LINGO2: variants seen among roughly 807,000 people sequenced by gnomAD.
The protein encoded by LINGO2 is leucine rich repeat and Ig domain containing 2.
LINGO2 carries 14 observed loss-of-function variants against 30.6 expected under a neutral mutation model. The ratio of observed to expected loss-of-function variants is 0.46; its 90% CI spans 0.30 to 0.72. The LOEUF is 0.72. Ranked by LOEUF, LINGO2 falls within the 30% of genes least tolerant of loss-of-function variation. The probability of loss-of-function intolerance (pLI) is 0.07; values close to 1 mark genes in which losing one functional copy is unlikely to be tolerated. For missense variants in LINGO2, 729 were observed against 751.7 expected (o/e 0.97, Z 0.35); for synonymous variants, 317 against 288.5 (o/e 1.10, Z -1.00).
chr9:28,126,016 CT>C (rs1418267680), intron 4 of LINGO2, among the ~76,000 whole-genome samples: 1 of 152,072 alleles, frequency 6.6e-6, no homozygotes, highest in African/African-American at 2.4e-5. Flanking sequence ...CTTAACAAGG[CT>C]GATTTAAATA....
At chr9:28,387,939 G>T (rs1821661430) in intron 2 of LINGO2, among the ~76,000 whole-genome samples, 1 of 152,162 alleles carries the variant, frequency 6.6e-6, no homozygotes, top group Non-Finnish European at 1.5e-5. Flanking sequence ...CACGGCGAGG[G>T]TCTGCAGCTT....
intron 4 of LINGO2, among the ~76,000 whole-genome samples, chr9:28,133,732 T>G (rs925558221): frequency 6.6e-6 from 1 of 152,196 alleles, no homozygotes; most frequent in African/African-American, 2.4e-5. Flanking sequence ...CTCTTCAATC[T>G]TCTTTCCTGG....
chr9:28,217,056 C>T (rs1016223654), intron 4 of LINGO2, among the ~76,000 whole-genome samples: 2 of 151,230 alleles, frequency 1.3e-5, no homozygotes, highest in Non-Finnish European at 3.0e-5. Flanking sequence ...AATGTAGTTA[C>T]ACAAATCATC....
chr9:28,586,576 C>G (rs552728792), intron 1 of LINGO2, among the ~76,000 whole-genome samples: 2 of 152,042 alleles, frequency 1.3e-5, no homozygotes, highest in East Asian at 3.9e-4. Flanking sequence ...TCATATTTCT[C>G]AATATTTTCT....
chr9:28,003,748 T>G (rs1321577140), intron 5 of LINGO2, among the ~76,000 whole-genome samples: 1 of 152,172 alleles, frequency 6.6e-6, no homozygotes, highest in Non-Finnish European at 1.5e-5. Flanking sequence ...TAACTAGAAA[T>G]ATGCCAGAGG....
intron 4 of LINGO2, among the ~76,000 whole-genome samples, chr9:28,241,124 C>T (rs889566792): frequency 9.2e-5 from 14 of 151,716 alleles, no homozygotes; most frequent in African/African-American, 2.4e-5. Context: ...CAAACATTAG[C>T]TGGGTGTGAT....
chr9:28,212,582 A>G (rs79504096), intron 4 of LINGO2, among the ~76,000 whole-genome samples: 7,983 of 151,566 alleles, frequency 0.053, 267 homozygotes, highest in Admixed American at 0.097. Flanking sequence ...ATACATACAC[A>G]TGCATATACT....
At chr9:28,109,375 G>A (rs1826701734) in intron 4 of LINGO2, among the ~76,000 whole-genome samples, 1 of 152,106 alleles carries the variant, frequency 6.6e-6, no homozygotes, top group African/African-American at 2.4e-5. Context: ...GTTCAACATA[G>A]TATTGGAAGT....
chr9:29,192,215 C>A, the LINGO2 span, among the ~76,000 whole-genome samples: 2 of 152,070 alleles, frequency 1.3e-5, no homozygotes, highest in African/African-American at 2.4e-5. Flanking sequence ...GAATTAGATA[C>A]CCCTACCATA....
At chr9:28,933,329 C>A in the LINGO2 span, among the ~76,000 whole-genome samples, 1 of 152,202 alleles carries the variant, frequency 6.6e-6, no homozygotes, top group Admixed American at 6.5e-5. Flanking sequence ...TAAACCAAAA[C>A]TCTTTTGCAA....
At chr9:28,873,784 C>A in the LINGO2 span, among the ~76,000 whole-genome samples, 2 of 152,096 alleles carry the variant, frequency 1.3e-5, no homozygotes, top group African/African-American at 4.8e-5. Context: ...GTTCTCAAAC[C>A]TGTTTATGCA....
chr9:28,586,190 T>A (rs1824528650), intron 1 of LINGO2, among the ~76,000 whole-genome samples: 1 of 152,052 alleles, frequency 6.6e-6, no homozygotes, highest in Non-Finnish European at 1.5e-5. Flanking sequence ...AATTTAATTT[T>A]TTTTTATAGT....
the LINGO2 span, among the ~76,000 whole-genome samples, chr9:29,038,418 T>C: frequency 6.6e-6 from 1 of 152,078 alleles, no homozygotes; most frequent in East Asian, 1.9e-4. Context: ...ACTATTTTCT[T>C]ACACTGAAGG....
the LINGO2 span, among the ~76,000 whole-genome samples, chr9:28,876,160 C>T: frequency 0.14 from 20,757 of 151,848 alleles, 2,027 homozygotes; most frequent in African/African-American, 0.28. Context: ...CAGTGATTTG[C>T]GATTTTTAAG....
chr9:29,177,748 G>A, the LINGO2 span, among the ~76,000 whole-genome samples: 1 of 152,058 alleles, frequency 6.6e-6, no homozygotes, highest in African/African-American at 2.4e-5. Context: ...GAGGATAAAA[G>A]GGATTTATCT....
At chr9:28,316,963 T>C (rs1313397346) in intron 3 of LINGO2, among the ~76,000 whole-genome samples, 1 of 152,210 alleles carries the variant, frequency 6.6e-6, no homozygotes, top group Non-Finnish European at 1.5e-5. Flanking sequence ...ACATGCTACA[T>C]GCACTATGCT....
the LINGO2 span, among the ~76,000 whole-genome samples, chr9:28,945,986 A>G: frequency 1.3e-4 from 20 of 152,176 alleles, no homozygotes; most frequent in Non-Finnish European, 2.8e-4. Context: ...TTTTGTCCTT[A>G]TTCTGGAAGA....
intron 2 of LINGO2, among the ~76,000 whole-genome samples, chr9:28,382,938 T>C (rs888778149): frequency 1.3e-5 from 2 of 152,034 alleles, no homozygotes; most frequent in Non-Finnish European, 2.9e-5. Flanking sequence ...CCAAACAGGA[T>C]TTGTAGAGAT....
At chr9:29,008,337 T>C in the LINGO2 span, among the ~76,000 whole-genome samples, 2 of 152,154 alleles carry the variant, frequency 1.3e-5, no homozygotes, top group African/African-American at 4.8e-5. Context: ...TGATAGATAT[T>C]TGGGTTGGAT....
Sources: allele counts gnomAD v4.1 joint callset (sites outside exome capture counted in the v4.1 genomes callset), GRCh38; gene constraint gnomAD v4.1.1; transcripts MANE v1.5; gene names NCBI Gene and HGNC (gene_info 2026-07-23, HGNC 2026-07-21).